MOXD1: variants seen among roughly 807,000 people sequenced by gnomAD.
MOXD1 encodes the protein monooxygenase DBH like 1.
MOXD1 carries 62 observed loss-of-function variants against 66.6 expected under a neutral mutation model. The ratio of observed to expected loss-of-function variants is 0.93; its 90% CI spans 0.76 to 1.15. The LOEUF is 1.15. Among genes scored for constraint, MOXD1 ranks in the 50% most tolerant of loss-of-function variants. The pLI, the probability that MOXD1 is intolerant of heterozygous loss-of-function variation, is 0.00. For synonymous variants in MOXD1, 303 were observed against 281.9 expected (o/e 1.07, Z -0.75); for missense variants, 847 against 754.6 (o/e 1.12, Z -1.44).
chr6:132,391,994 TG>T (rs1199518953), intron 1 of MOXD1: 5 of 552,488 alleles, frequency 9.0e-6, no homozygotes, highest in South Asian at 2.6e-5. Context: ...GCCTGGAAAT[TG>T]GGGGGCATAA....
rs191460089 is a variant in MOXD1 at position 132,305,459 on chromosome 6, C to A, written c.1509-7504G>T. Among the ~76,000 whole-genome samples, 4 of 152,374 alleles carry A rather than the reference C, an allele frequency of 2.6e-5. No homozygotes were observed. In the East Asian group the frequency reaches 7.7e-4, roughly 29 times the overall value. On this transcript the variant is annotated intron_variant, in intron 10 of 11. Coordinates refer to ENST00000367963, the MANE Select transcript of MOXD1 (RefSeq NM_015529.4). ...TCCTGGTAGCTCTGAGGAATCCAGGCAGCCCAGATGAGTGGGTTTTCTCCC... is the reference window on the plus strand; with the variant it reads ...TCCTGGTAGCTCTGAGGAATCCAGGAAGCCCAGATGAGTGGGTTTTCTCCC...
intron 10 of MOXD1, among the ~76,000 whole-genome samples, chr6:132,305,025 A>G (rs2743958): frequency 0.46 from 70,342 of 152,088 alleles, 18,095 homozygotes; most frequent in East Asian, 0.69. Context: ...GTCGATCAGC[A>G]CCGCAGCTGC....
chr6:132,373,335 G>A (rs960095770), intron 2 of MOXD1, among the ~76,000 whole-genome samples: 8 of 152,138 alleles, frequency 5.3e-5, no homozygotes, highest in African/African-American at 1.9e-4. Flanking sequence ...CTTGCAACTG[G>A]TAGCTTCTAA....
chr6:132,297,009 C>T lies in MOXD1; in HGVS notation c.*144G>A. ...AACCTGATTGATGTCTCTCATGTAA[C>T]ATGGAAAGGAAAAAGGAGGGAGGGA... On this transcript the variant is annotated 3_prime_UTR_variant, in exon 12 of 12. Coordinates refer to ENST00000367963, the MANE Select transcript of MOXD1 (RefSeq NM_015529.4). The T allele has an allele frequency of 1.4e-6, 1 of 704,034 alleles. No individual in the cohort carries two copies. Among genetic ancestry groups the T allele is most frequent in the Non-Finnish European group, 2.3e-6 (1 of 435,030 alleles). 43.6% of individuals were successfully genotyped at this position (704,034 alleles called of 1,614,324 possible).
intron 11 of MOXD1, 127 bp from the exon 12 acceptor site, chr6:132,297,444 A>G (rs1239897864): frequency 6.3e-6 from 6 of 950,440 alleles, no homozygotes; most frequent in Non-Finnish European, 7.9e-6. Context: ...AAGGAGTCAC[A>G]CACTGGGGGA....
chr6:132,353,477 T>C (rs76060024), intron 4 of MOXD1, among the ~76,000 whole-genome samples: 7,050 of 152,284 alleles, frequency 0.046, 517 homozygotes, highest in African/African-American at 0.16. Context: ...TTGAGGATTC[T>C]GAAGATAAAG....
chr6:132,335,922 C>T (rs1432803191), intron 4 of MOXD1, among the ~76,000 whole-genome samples: 1 of 152,122 alleles, frequency 6.6e-6, no homozygotes, highest in East Asian at 1.9e-4. Context: ...GTGTGTCATG[C>T]TTTAGCTATT....
At chr6:132,381,152 C>T (rs1776500057) in intron 1 of MOXD1, among the ~76,000 whole-genome samples, 1 of 152,116 alleles carries the variant, frequency 6.6e-6, no homozygotes, top group Non-Finnish European at 1.5e-5. Flanking sequence ...GAAATACATG[C>T]ATATATTTGA....
Position 132,372,666 on chromosome 6 carries a change from G to A in MOXD1, c.605C>T (p.Thr202Ile), listed in dbSNP as rs1776288697. The A allele has an allele frequency of 3.1e-6, 5 of 1,613,922 alleles. No homozygotes were observed. Among genetic ancestry groups the A allele is most frequent in the Non-Finnish European group, 4.2e-6 (5 of 1,179,840 alleles). Residue 202 changes from threonine (T) to isoleucine (I), a missense_variant, in exon 4 of 12, where the codon ACA (threonine) becomes ATA (isoleucine). Physicochemically the swap from Thr to Ile is moderately conservative, Grantham distance 89. Coordinates refer to ENST00000367963, the MANE Select transcript of MOXD1 (RefSeq NM_015529.4). ...QDVPIPNKDT[T>I]YWCQMFKIPV... ...AATCTTAAACATTTGGCACCAATATGTTGTATCTTTGTTTGGGATGGGGAC... is the reference window on the plus strand; with the variant it reads ...AATCTTAAACATTTGGCACCAATATATTGTATCTTTGTTTGGGATGGGGAC...
At chr6:132,359,488 C>CTTT (rs568516620) in intron 4 of MOXD1, among the ~76,000 whole-genome samples, 4 of 129,544 alleles carry the variant, frequency 3.1e-5, no homozygotes, top group African/African-American at 5.9e-5. Flanking sequence ...TTTTCTTTTT[C>CTTT]TTTTTTTTTT....
intron 10 of MOXD1, among the ~76,000 whole-genome samples, chr6:132,307,147 A>G (rs889962750): frequency 2.6e-5 from 4 of 152,208 alleles, no homozygotes; most frequent in Non-Finnish European, 4.4e-5. Flanking sequence ...AGACACACAT[A>G]GGCTCAAAAT....
chr6:132,358,940 T>C (rs1206716434), intron 4 of MOXD1, among the ~76,000 whole-genome samples: 1 of 152,060 alleles, frequency 6.6e-6, no homozygotes, highest in Non-Finnish European at 1.5e-5. Flanking sequence ...ACCTTTTCTA[T>C]AAAAAAACCC....
chr6:132,318,413 T>C (rs1775003275), intron 9 of MOXD1, among the ~76,000 whole-genome samples: 2 of 152,212 alleles, frequency 1.3e-5, no homozygotes, highest in African/African-American at 4.8e-5. Flanking sequence ...CTCTGGTTTA[T>C]ATTTGGTTTT....
intron 4 of MOXD1, among the ~76,000 whole-genome samples, chr6:132,367,748 C>A (rs1776176072): frequency 6.6e-6 from 1 of 152,078 alleles, no homozygotes; most frequent in Admixed American, 6.6e-5. Context: ...TTAATGTAAG[C>A]AATTCCATTA....
chr6:132,380,185 A>C (rs573211453), intron 1 of MOXD1, among the ~76,000 whole-genome samples: 5 of 152,134 alleles, frequency 3.3e-5, no homozygotes, highest in African/African-American at 7.2e-5. Context: ...CCCACACTCC[A>C]CGTTTACATA....
intron 10 of MOXD1, among the ~76,000 whole-genome samples, chr6:132,305,598 A>G (rs1231806116): frequency 6.6e-6 from 1 of 152,214 alleles, no homozygotes; most frequent in Non-Finnish European, 1.5e-5. Context: ...GAATAATCCT[A>G]CTAGCATCAG....
intron 1 of MOXD1, among the ~76,000 whole-genome samples, chr6:132,376,659 G>A (rs1416087363): frequency 2.0e-5 from 2 of 97,686 alleles, no homozygotes; most frequent in Admixed American, 9.2e-5. Flanking sequence ...GACTACAGGC[G>A]CCCGCCACTA....
At chr6:132,364,063 A>G (rs1776068921) in intron 4 of MOXD1, among the ~76,000 whole-genome samples, 1 of 152,140 alleles carries the variant, frequency 6.6e-6, no homozygotes, top group Non-Finnish European at 1.5e-5. Flanking sequence ...AATAAAAAAA[A>G]ATTGTTTCAT....
rs9493304 is a variant in MOXD1 at position 132,398,368 on chromosome 6, T to A, written c.264+2795A>T. Reference sequence around the variant, plus strand: ...ATTAGGAAAATAAAAGTCAGAAAAATTTTTAAAAACTAAAGTTTTAGTTTA... The same window carrying A: ...ATTAGGAAAATAAAAGTCAGAAAAAATTTTAAAAACTAAAGTTTTAGTTTA... On this transcript the variant is annotated intron_variant, in intron 1 of 11. Coordinates refer to ENST00000367963, the MANE Select transcript of MOXD1 (RefSeq NM_015529.4). 8.9e-3 allele frequency among the ~76,000 whole-genome samples: 1,350 copies of A among 152,206 alleles called. 11 individuals carry two copies. Among genetic ancestry groups the A allele is most frequent in the African/African-American group, 0.027 (1,138 of 41,528 alleles).
Sources: allele counts gnomAD v4.1 joint callset (sites outside exome capture counted in the v4.1 genomes callset), GRCh38; gene constraint gnomAD v4.1.1; transcripts MANE v1.5; gene names NCBI Gene and HGNC (gene_info 2026-07-23, HGNC 2026-07-21).